Variants in MGAM2 observed in about 807,000 individuals in gnomAD.
MGAM2 encodes the protein probable maltase-glucoamylase 2.
A neutral mutation model predicts 96.1 loss-of-function variants in MGAM2; 98 were observed. The observed-to-expected ratio is 1.02, with a 90% CI of 0.87 to 1.21. The LOEUF (loss-of-function observed/expected upper bound fraction) is 1.21. Among genes scored for constraint, MGAM2 ranks in the 50% most tolerant of loss-of-function variants. MGAM2 has a pLI of 0.00. For synonymous variants in MGAM2, 749 were observed against 414.8 expected (o/e 1.81, Z -9.79); for missense variants, 2,055 against 1,182.4 (o/e 1.74, Z -10.82).
At chr7:142,136,759 A>G in intron 8 of MGAM2, 119 bp downstream of exon 8, 4 of 532,148 alleles carry the variant, frequency 7.5e-6, no homozygotes, top group Non-Finnish European at 1.3e-5. Context: ...AACCTACAAT[A>G]CTTTTATTGA....
intron 25 of MGAM2, 30 bp downstream of exon 25, chr7:142,166,283 G>T: frequency 4.4e-6 from 3 of 675,510 alleles, no homozygotes; most frequent in Non-Finnish European, 5.4e-6. Flanking sequence ...TTACCTCATT[G>T]ATTAGGAAGT....
intron 15 of MGAM2, among the ~76,000 whole-genome samples, chr7:142,153,073 G>T (rs1189816028): frequency 6.8e-6 from 1 of 147,844 alleles, no homozygotes; most frequent in African/African-American, 2.5e-5. Flanking sequence ...TTGGCTCACT[G>T]CAACCTCTGC....
chr7:142,113,636 C>T (rs1004374349), intron 1 of MGAM2, among the ~76,000 whole-genome samples: 2 of 151,966 alleles, frequency 1.3e-5, no homozygotes, highest in Non-Finnish European at 2.9e-5. Context: ...GAGATGATTT[C>T]ATGTTTAAAC....
intron 23 of MGAM2, among the ~76,000 whole-genome samples, chr7:142,163,580 A>G (rs966540974): frequency 3.3e-5 from 5 of 152,188 alleles, no homozygotes; most frequent in African/African-American, 1.2e-4. Flanking sequence ...GTGCCTGGCC[A>G]TAAGTTTTTA....
intron 1 of MGAM2, among the ~76,000 whole-genome samples, chr7:142,115,394 T>C (rs1385820124): frequency 6.6e-6 from 1 of 152,152 alleles, no homozygotes; most frequent in Non-Finnish European, 1.5e-5. Context: ...GCAGATTCTG[T>C]TAGCAGATAG....
rs951670678 is a variant in MGAM2 at position 142,222,172 on chromosome 7, G to A, written c.*113G>A. The A allele has an allele frequency of 3.0e-5, 12 of 395,818 alleles. No individual in the cohort carries two copies. The highest frequency in any genetic ancestry group is 2.6e-4 in the Admixed American group (6 of 22,680). The allele number at this position is 395,818 out of a possible 1,614,324, so 24.5% of individuals were successfully genotyped here. On this transcript the variant is annotated 3_prime_UTR_variant, in exon 48 of 48. Coordinates refer to ENST00000477922, the MANE Select transcript of MGAM2 (RefSeq NM_001293626.2). ...TATCTTATGCTACTTAAGTTTTCAC[G>A]GATATTAGTACTCTAGCCATAAAAG... is the stretch of plus-strand genomic sequence containing the variant.
intron 31 of MGAM2, among the ~76,000 whole-genome samples, chr7:142,173,680 G>C (rs1434313151): frequency 6.6e-6 from 1 of 152,056 alleles, no homozygotes; most frequent in Non-Finnish European, 1.5e-5. Context: ...GGCAATGCAG[G>C]GGACTATCCC....
At chr7:142,137,090 A>G (rs577242070) in intron 8 of MGAM2, among the ~76,000 whole-genome samples, 34 of 152,264 alleles carry the variant, frequency 2.2e-4, no homozygotes, top group Non-Finnish European at 4.0e-4. Context: ...ATTTTTAAAT[A>G]TTTAATTGTA....
In MGAM2 at chr7:142,120,388, G is replaced by T. The variant is rs1483024520; in HGVS notation, c.186+7G>T. The T allele has an allele frequency of 4.3e-6, 3 of 702,482 alleles. No individual in the cohort carries two copies. The highest frequency in any genetic ancestry group is 5.4e-5 in the East Asian group (2 of 37,266). The allele number at this position is 702,482 out of a possible 1,614,324, so 43.5% of individuals were successfully genotyped here. ...TGACCAGGAGGTGACCGAGGTCAGA[G>T]AAATAAGGTCCCTTTTGGTGGCCTA... is the stretch of plus-strand genomic sequence containing the variant. On this transcript the variant is annotated splice_region_variant and intron_variant, in intron 3 of 47. Coordinates refer to ENST00000477922, the MANE Select transcript of MGAM2 (RefSeq NM_001293626.2).
chr7:142,136,910 C>T (rs1035067130), intron 8 of MGAM2, among the ~76,000 whole-genome samples: 6 of 152,030 alleles, frequency 3.9e-5, no homozygotes, highest in African/African-American at 9.7e-5. Flanking sequence ...CACTGATAGA[C>T]GCATTCCAAA....
chr7:142,132,576 A>G (rs1464583603), intron 6 of MGAM2, among the ~76,000 whole-genome samples: 3 of 130,716 alleles, frequency 2.3e-5, no homozygotes, highest in African/African-American at 8.9e-5. Context: ...TACTTTATAT[A>G]ATTTAATCAA....
intron 13 of MGAM2, 24 bp downstream of exon 13, chr7:142,143,906 A>G (rs1475606357): frequency 2.9e-6 from 2 of 700,890 alleles, no homozygotes; most frequent in Admixed American, 4.0e-5. Context: ...CCTGACTCAA[A>G]TTTCCTTTGG....
rs1229965882 is a variant in MGAM2 at position 142,222,195 on chromosome 7, A to G, written c.*136A>G. The G allele has an allele frequency of 1.0e-5, 4 of 395,302 alleles. No individual in the cohort carries two copies. In the East Asian group the frequency reaches 1.4e-4, roughly 14 times the overall value. 24.5% of individuals were successfully genotyped at this position (395,302 alleles called of 1,614,324 possible). A position where few individuals can be genotyped will look rare whatever the true frequency, so the allele number is the denominator to read the frequency against. On this transcript the variant is annotated 3_prime_UTR_variant, in exon 48 of 48. Coordinates refer to ENST00000477922, the MANE Select transcript of MGAM2 (RefSeq NM_001293626.2). ...ACGGATATTAGTACTCTAGCCATAA[A>G]AGACACAGCTACTCCAAACACTCTC... is the stretch of plus-strand genomic sequence containing the variant.
chr7:142,149,648 C>A (rs1043604018), intron 15 of MGAM2, among the ~76,000 whole-genome samples: 4 of 150,624 alleles, frequency 2.7e-5, no homozygotes, highest in Non-Finnish European at 5.9e-5. Flanking sequence ...TCACGCCATT[C>A]TCCTGCCTCA....
intron 43 of MGAM2, among the ~76,000 whole-genome samples, 153 bp from the exon 44 acceptor site, chr7:142,198,462 A>C (rs1407302875): frequency 6.6e-6 from 1 of 152,226 alleles, no homozygotes; most frequent in African/African-American, 2.4e-5. Flanking sequence ...AGTCTTAAGC[A>C]AAACTGAAAG....
intron 3 of MGAM2, among the ~76,000 whole-genome samples, chr7:142,122,906 T>C (rs1039103940): frequency 6.6e-6 from 1 of 152,170 alleles, no homozygotes; most frequent in African/African-American, 2.4e-5. Flanking sequence ...CTCGGCTCAC[T>C]GCAACCTCTG....
Position 142,165,012 on chromosome 7 carries a change from G to T in MGAM2, c.2641G>T (p.Ala881Ser), listed in dbSNP as rs1368831355. 4.3e-6 allele frequency: 3 copies of T among 699,516 alleles called. No individual in the cohort carries two copies. Among genetic ancestry groups the T allele is most frequent in the Non-Finnish European group, 7.8e-6 (3 of 383,756 alleles). 43.3% of individuals were successfully genotyped at this position (699,516 alleles called of 1,614,324 possible). ...CTCCAGTCCAAGCGTTGTCTACAAT[G>T]CTTCCACAAAGGTAAGAGATCCTTC... ...ATSSPSVVYN[A>S]STKVVTITDL... Residue 881 changes from alanine to serine, a missense_variant, in exon 24 of 48, where the codon GCT becomes TCT. By Grantham distance (99) the Ala-to-Ser change is moderately conservative. Coordinates refer to ENST00000477922, the MANE Select transcript of MGAM2 (RefSeq NM_001293626.2).
chr7:142,217,545 T>C (rs1306285058), intron 46 of MGAM2, among the ~76,000 whole-genome samples: 1 of 152,172 alleles, frequency 6.6e-6, no homozygotes, highest in East Asian at 1.9e-4. Flanking sequence ...TTACCCAATT[T>C]ATTATAGCAG....
At chr7:142,171,591 T>C (rs1796187480) in intron 28 of MGAM2, among the ~76,000 whole-genome samples, 151 bp downstream of exon 28, 1 of 128,226 alleles carries the variant, frequency 7.8e-6, no homozygotes, top group Non-Finnish European at 1.6e-5. Flanking sequence ...TCACATTCTT[T>C]TGTCCCTAAA....
Sources: gnomAD v4.1 joint callset for allele counts (sites outside exome capture counted in the v4.1 genomes callset) on GRCh38, gnomAD v4.1.1 for gene constraint, MANE v1.5 for transcripts, NCBI Gene and HGNC (gene_info 2026-07-23, HGNC 2026-07-21) for gene names.